Variants in TRIM2 observed in about 807,000 individuals in gnomAD.
The protein encoded by TRIM2 is tripartite motif-containing protein 2.
TRIM2 carries 20 observed loss-of-function variants against 75.2 expected under a neutral mutation model. The observed-to-expected ratio is 0.27, with a 90% CI of 0.19 to 0.39. The LOEUF (loss-of-function observed/expected upper bound fraction) is 0.39. TRIM2 is among the 10% of genes least tolerant of loss of function. The pLI is 1.00. For synonymous variants in TRIM2, 373 were observed against 388.3 expected (o/e 0.96, Z 0.46); for missense variants, 660 against 990.8 (o/e 0.67, Z 4.48).
At chr4:153,195,768 A>T (rs1733703886) in intron 1 of TRIM2, among the ~76,000 whole-genome samples, 1 of 152,114 alleles carries the variant, frequency 6.6e-6, no homozygotes, top group Non-Finnish European at 1.5e-5. Flanking sequence ...TTATTCTCTT[A>T]GTATTTCACC....
intron 1 of TRIM2, among the ~76,000 whole-genome samples, chr4:153,184,888 A>C (rs1560793428): frequency 6.6e-6 from 1 of 152,190 alleles, no homozygotes; most frequent in East Asian, 1.9e-4. Flanking sequence ...GCCACAGACC[A>C]TACCACTGAG....
chr4:153,305,053 A>G (rs1764692414), intron 6 of TRIM2, among the ~76,000 whole-genome samples: 1 of 152,214 alleles, frequency 6.6e-6, no homozygotes, highest in Non-Finnish European at 1.5e-5. Context: ...AGAAAACAGC[A>G]TGTTTATAAA....
chr4:153,191,054 C>T (rs374149541), intron 1 of TRIM2, among the ~76,000 whole-genome samples: 35 of 152,190 alleles, frequency 2.3e-4, no homozygotes, highest in Admixed American at 7.2e-4. Flanking sequence ...TATTCTTTTT[C>T]TCTGTCTCTT....
At chr4:153,255,295 C>T (rs1260092921) in intron 1 of TRIM2, among the ~76,000 whole-genome samples, 2 of 152,280 alleles carry the variant, frequency 1.3e-5, no homozygotes, top group East Asian at 1.9e-4. Context: ...GGCTGGAAGC[C>T]CAGCAACAAG....
At chr4:153,253,391 A>T (rs1444654420) in intron 1 of TRIM2, among the ~76,000 whole-genome samples, 1 of 152,166 alleles carries the variant, frequency 6.6e-6, no homozygotes, top group East Asian at 1.9e-4. Flanking sequence ...CCACCCCCAC[A>T]CACACTGGGT....
intron 1 of TRIM2, among the ~76,000 whole-genome samples, chr4:153,166,835 A>G (rs537115540): frequency 6.6e-6 from 1 of 152,324 alleles, no homozygotes; most frequent in South Asian, 2.1e-4. Flanking sequence ...AATGGAACAG[A>G]ATCTGGAATG....
chr4:153,224,816 G>A (rs556718287), intron 1 of TRIM2, among the ~76,000 whole-genome samples: 7 of 152,272 alleles, frequency 4.6e-5, no homozygotes, highest in Non-Finnish European at 8.8e-5. Context: ...AAATACAAAT[G>A]GAAGGAAGTT....
intron 1 of TRIM2, among the ~76,000 whole-genome samples, chr4:153,157,497 A>G (rs1250248727): frequency 6.6e-6 from 1 of 152,182 alleles, no homozygotes; most frequent in Non-Finnish European, 1.5e-5. Context: ...CTGGTTGTCA[A>G]ACACAGAAAT....
intron 1 of TRIM2, among the ~76,000 whole-genome samples, chr4:153,168,287 G>T (rs1261575482): frequency 2.0e-5 from 3 of 152,076 alleles, no homozygotes; most frequent in Non-Finnish European, 4.4e-5. Flanking sequence ...TATATTCTTG[G>T]TAAGAAGGCA....
At chr4:153,290,033 T>A (rs940838135) in intron 3 of TRIM2, among the ~76,000 whole-genome samples, 2 of 152,240 alleles carry the variant, frequency 1.3e-5, no homozygotes, top group African/African-American at 4.8e-5. Flanking sequence ...TAGTAAATGC[T>A]ATTCTAGTTA....
At chr4:153,233,143 T>G (rs1381396777) in intron 1 of TRIM2, among the ~76,000 whole-genome samples, 1 of 152,174 alleles carries the variant, frequency 6.6e-6, no homozygotes, top group Non-Finnish European at 1.5e-5. Flanking sequence ...TTGCTAAGAA[T>G]AAGGATAAGA....
At chr4:153,221,561 G>A (rs1049835861) in intron 1 of TRIM2, among the ~76,000 whole-genome samples, 2 of 152,228 alleles carry the variant, frequency 1.3e-5, no homozygotes, top group Non-Finnish European at 2.9e-5. Flanking sequence ...ATTGTAGGTC[G>A]TCCCTCCCCA....
rs1579559429 is a variant in TRIM2, at chr4:153,307,864, A to T, written c.1511-7621A>T. On this transcript the variant is annotated intron_variant, in intron 6 of 11. Transcript: ENST00000338700. ...CTCTTGAATTCAGACCTAATTTTCA[A>T]CATGTCCACTTCATTGTGGGAGACC... 8 of 741,300 alleles carry T rather than the reference A, an allele frequency of 1.1e-5. No individual in the cohort carries two copies. In the East Asian group the frequency reaches 2.0e-4, roughly 19 times the overall value. The allele number at this position is 741,300 out of a possible 1,614,324, so 45.9% of individuals were successfully genotyped here. A position where few individuals can be genotyped will look rare whatever the true frequency, so the allele number is the denominator to read the frequency against.
chr4:153,234,341 C>A (rs557871667), intron 1 of TRIM2, among the ~76,000 whole-genome samples: 1 of 152,316 alleles, frequency 6.6e-6, no homozygotes, highest in South Asian at 2.1e-4. Flanking sequence ...GATAGCGATT[C>A]TCAAACTGTG....
chr4:153,241,645 C>G (rs13111302), intron 1 of TRIM2, among the ~76,000 whole-genome samples: 2 of 152,266 alleles, frequency 1.3e-5, no homozygotes, highest in Middle Eastern at 6.8e-3. Flanking sequence ...AACAGCAGGG[C>G]TAGGAGGAGC....
At chr4:153,307,871 C>T in intron 6 of TRIM2, 1 of 743,590 alleles carries the variant, frequency 1.3e-6, no homozygotes, top group South Asian at 1.4e-5. Context: ...TCAACATGTC[C>T]ACTTCATTGT....
chr4:153,329,902 T>C (rs575728008), intron 11 of TRIM2, among the ~76,000 whole-genome samples: 1 of 148,436 alleles, frequency 6.7e-6, no homozygotes, highest in African/African-American at 2.5e-5. Context: ...ATCCATGAAA[T>C]AGCAAACTGG....
At chr4:153,298,248 T>C (rs1560973106) in intron 6 of TRIM2, among the ~76,000 whole-genome samples, 1 of 152,240 alleles carries the variant, frequency 6.6e-6, no homozygotes, top group Non-Finnish European at 1.5e-5. Flanking sequence ...GCTGTCTTAG[T>C]TTGCTAAGGC....
chr4:153,285,617 C>A (rs1190583595), intron 3 of TRIM2, among the ~76,000 whole-genome samples: 1 of 152,158 alleles, frequency 6.6e-6, no homozygotes, highest in Non-Finnish European at 1.5e-5. Context: ...GCCACCATGC[C>A]TAGCTGGGAA....
Sources: gnomAD v4.1 joint callset for allele counts (sites outside exome capture counted in the v4.1 genomes callset) on GRCh38, gnomAD v4.1.1 for gene constraint, MANE v1.5 for transcripts, NCBI Gene and HGNC (gene_info 2026-07-23, HGNC 2026-07-21) for gene names.